Variants in KIF5A observed in about 807,000 individuals in gnomAD.
KIF5A encodes kinesin family member 5A, also known as kinesin heavy chain isoform 5A.
In KIF5A, 35 loss-of-function variants were observed where a neutral mutation model predicts 141.3. The observed-to-expected ratio is 0.25, with a 90% CI of 0.19 to 0.33. KIF5A has a LOEUF of 0.33. Among genes scored for constraint, KIF5A ranks in the 10% least tolerant of loss-of-function variants. KIF5A has a pLI of 1.00. For missense variants in KIF5A, 861 were observed against 1,314.3 expected (o/e 0.66, Z 5.33); for synonymous variants, 448 against 500.2 (o/e 0.90, Z 1.39).
At position 57,569,055 on chromosome 12, in the gene KIF5A, G is replaced by A. The variant is rs1232686547; in HGVS notation, c.807G>A (p.Leu269=). ...CTCTGGGCAATGTGATCTCCGCACT[G>A]GCTGAGGGCACTGTGAGTGATCCTT... ...LSALGNVISA[L]AEGTKSYVPY... The change falls in exon 9 of 29, where the codon CTG becomes CTA. Residue 269 remains leucine, a synonymous_variant. Transcript: ENST00000455537. The A allele has an allele frequency of 1.9e-6, 3 of 1,613,308 alleles. No individual in the cohort carries two copies. The highest frequency in any genetic ancestry group is 2.5e-6 in the Non-Finnish European group (3 of 1,179,476).
At chr12:57,571,427 T>A in intron 13 of KIF5A, 38 bp downstream of exon 13, 1 of 1,607,866 alleles carries the variant, frequency 6.2e-7, no homozygotes, top group Non-Finnish European at 8.5e-7. Context: ...AGGAAAGGGG[T>A]TCTGTTCATC....
chr12:57,562,897 A>C (rs2140158369), intron 1 of KIF5A, among the ~76,000 whole-genome samples: 1 of 152,146 alleles, frequency 6.6e-6, no homozygotes, highest in African/African-American at 2.4e-5. Context: ...TCACACCACG[A>C]CTAAGATCCC....
In KIF5A at chr12:57,559,015, G is replaced by A. The variant is rs181011007; in HGVS notation, c.130-4424G>A. 2.5e-3 allele frequency among the ~76,000 whole-genome samples: 375 copies of A among 152,154 alleles called. 1 individual carries two copies. The highest frequency in any genetic ancestry group is 3.0e-3 in the Non-Finnish European group (202 of 67,996). ...CTGGTCTCCAACTCCTGGCCTCAAG[G>A]ATCCTCCAGACTTGACCTCCCAAAG... On this transcript the variant is annotated intron_variant, in intron 1 of 28. Coordinates refer to ENST00000455537, the MANE Select transcript of KIF5A (RefSeq NM_004984.4).
chr12:57,569,716 T>C (rs1326780246), intron 11 of KIF5A, 33 bp downstream of exon 11: 1 of 1,610,058 alleles, frequency 6.2e-7, no homozygotes, highest in Admixed American at 1.7e-5. Flanking sequence ...TGAGGGGCAG[T>C]GGGAAGAGGA....
chr12:57,582,686 A>C (rs1882643111), intron 27 of KIF5A, 57 bp downstream of exon 27: 6 of 1,432,182 alleles, frequency 4.2e-6, no homozygotes, highest in Non-Finnish European at 5.9e-6. Context: ...GAAATGATTA[A>C]ATTTCCCTTG....
At position 57,563,129 on chromosome 12, in the gene KIF5A, C is replaced by T. The variant is rs1881961500; in HGVS notation, c.130-310C>T. 1.3e-5 allele frequency among the ~76,000 whole-genome samples: 2 copies of T among 151,960 alleles called. 1 individual carries two copies. Among genetic ancestry groups the T allele is most frequent in the South Asian group, 4.2e-4 (2 of 4,818 alleles). ...TCAAGCGATTCTCCTGTCTCTGCCTCCCGAGTAGCTGGGACTACAGGCACG... is the reference window on the plus strand; with the variant it reads ...TCAAGCGATTCTCCTGTCTCTGCCTTCCGAGTAGCTGGGACTACAGGCACG... On this transcript the variant is annotated intron_variant, in intron 1 of 28. Transcript: ENST00000455537.
intron 8 of KIF5A, 59 bp from the exon 9 acceptor site, chr12:57,568,904 G>C (rs1217044659): frequency 9.6e-6 from 11 of 1,144,498 alleles, no homozygotes; most frequent in Admixed American, 5.2e-5. Flanking sequence ...GAACGAGGTG[G>C]TGACAGCCCT....
chr12:57,576,711 C>A (rs775731261), intron 19 of KIF5A, 50 bp from the exon 20 acceptor site: 37 of 1,363,324 alleles, frequency 2.7e-5, no homozygotes, highest in South Asian at 1.4e-4. Flanking sequence ...TCCCTTCCCC[C>A]TCATTAACAT....
chr12:57,582,569 C>G, intron 26 of KIF5A, 33 bp from the exon 27 acceptor site: 1 of 1,593,144 alleles, frequency 6.3e-7, no homozygotes. Context: ...TTTTCTTCTT[C>G]TAATCCTGTG....
In KIF5A at chr12:57,585,840, A is replaced by G. The variant is rs949823720; in HGVS notation, c.*1659A>G. ...AATAAATCCAAAGCAGTGATTTTTA[A>G]ATGTTTTTCAAAAACAAATCTTACA... On this transcript the variant is annotated 3_prime_UTR_variant, in exon 29 of 29. Coordinates refer to ENST00000455537, the MANE Select transcript of KIF5A (RefSeq NM_004984.4). 3.3e-5 allele frequency: 5 copies of G among 152,212 alleles called. No homozygotes were observed. The highest frequency in any genetic ancestry group is 1.2e-4 in the African/African-American group (5 of 41,448). The allele number at this position is 152,212 out of a possible 1,614,324, so 9.4% of individuals were successfully genotyped here. A position where few individuals can be genotyped will look rare whatever the true frequency, so the allele number is the denominator to read the frequency against.
intron 19 of KIF5A, 62 bp downstream of exon 19, chr12:57,576,440 C>A: frequency 8.0e-7 from 1 of 1,244,026 alleles, no homozygotes; most frequent in Non-Finnish European, 1.2e-6. Context: ...TGTATTGACT[C>A]ACATGTCCCC....
In KIF5A at chr12:57,572,852, A is replaced by T; in HGVS notation, c.1716+126A>T. 8.9e-7 allele frequency: 1 copy of T among 1,122,856 alleles called. No individual in the cohort carries two copies. The highest frequency in any genetic ancestry group is 1.4e-6 in the Non-Finnish European group (1 of 737,504). 69.6% of individuals were successfully genotyped at this position (1,122,856 alleles called of 1,614,324 possible). On this transcript the variant is annotated intron_variant, in intron 15 of 28. Transcript: ENST00000455537. The surrounding 1 kb of genome is among the most constrained non-coding windows in gnomAD (Gnocchi z 4.2). ...GAGCCAGGAAACATGCCTTTGAACT[A>T]GACCCAGGAAGACAGGTAGAGGCTT...
At chr12:57,574,684 C>T (rs1227016929) in intron 15 of KIF5A, among the ~76,000 whole-genome samples, 1 of 151,052 alleles carries the variant, frequency 6.6e-6, no homozygotes, top group Non-Finnish European at 1.5e-5. Context: ...TGGGTTCAAG[C>T]AATTTCCTGC....
In KIF5A at chr12:57,576,772, A is replaced by G. The variant is rs752462267; in HGVS notation, c.2210A>G (p.Lys737Arg). 1.2e-6 allele frequency: 2 copies of G among 1,613,284 alleles called. No individual in the cohort carries two copies. The highest frequency in any genetic ancestry group is 2.2e-5 in the South Asian group (2 of 91,010). ...TIDELKDLNQ[K>R]LQLELEKLQA... ...CTGATGCTCTGTAGCCTAAATCAGA[A>G]GCTCCAGTTAGAGCTAGAGAAGCTT... Residue 737 changes from lysine to arginine, a missense_variant, in exon 20 of 29, where the codon AAG becomes AGG. By Grantham distance (26) the Lys-to-Arg change is conservative. This residue lies in a region of KIF5A where 482 missense variants were observed against 661.3 expected (regional missense o/e 0.73). Transcript: ENST00000455537.
chr12:57,563,935 A>G lies in KIF5A; in HGVS notation c.292-173A>G, dbSNP rs114419475. ...GATCGGGAAAAGCAATGGAAGTCCA[A>G]AGGGCTACTCAATTATCTCCTTGCT... On this transcript the variant is annotated intron_variant, in intron 3 of 28. Coordinates refer to ENST00000455537, the MANE Select transcript of KIF5A (RefSeq NM_004984.4). 5.1e-3 allele frequency among the ~76,000 whole-genome samples: 780 copies of G among 152,274 alleles called. 4 individuals are homozygous for G. Among genetic ancestry groups the G allele is most frequent in the African/African-American group, 0.017 (721 of 41,562 alleles).
rs768178863 is a variant in KIF5A, at chr12:57,583,083, G to A, written c.3021-18G>A. The A allele has an allele frequency of 3.1e-6, 5 of 1,605,840 alleles. No homozygotes were observed. In the Admixed American group the frequency reaches 5.0e-5, roughly 16 times the overall value. ...TTTAATTTCTATGGAGCTGATCATG[G>A]TGGGTCTCTTCCTCCAGGAGTGACC... On this transcript the variant is annotated intron_variant, in intron 27 of 28. Coordinates refer to ENST00000455537, the MANE Select transcript of KIF5A (RefSeq NM_004984.4).
chr12:57,556,246 C>T (rs1438522782), intron 1 of KIF5A, among the ~76,000 whole-genome samples: 1 of 151,794 alleles, frequency 6.6e-6, no homozygotes, highest in Non-Finnish European at 1.5e-5. Context: ...TCACGCCATT[C>T]TTCTGCCTCA....
chr12:57,575,420 G>A, intron 16 of KIF5A, 148 bp downstream of exon 16: 1 of 985,666 alleles, frequency 1.0e-6, no homozygotes, highest in Non-Finnish European at 1.6e-6. Context: ...TGGCAGGGGT[G>A]CAGATCAGGG....
intron 17 of KIF5A, 94 bp from the exon 18 acceptor site, chr12:57,575,993 C>A: frequency 8.1e-7 from 1 of 1,227,210 alleles, no homozygotes; most frequent in Non-Finnish European, 1.2e-6. Context: ...CCTGTGGGTC[C>A]ATTCCCAGCC....
Sources: allele counts gnomAD v4.1 joint callset (sites outside exome capture counted in the v4.1 genomes callset), GRCh38; gene constraint gnomAD v4.1.1; regional missense constraint gnomAD v4.1.1; non-coding constraint Gnocchi (gnomAD v3.1); transcripts MANE v1.5; gene names NCBI Gene and HGNC (gene_info 2026-07-23, HGNC 2026-07-21).